ATP9B: variants seen among roughly 807,000 people sequenced by gnomAD.
ATP9B encodes ATPase phospholipid transporting 9B.
ATP9B carries 110 observed loss-of-function variants against 146.1 expected under a neutral mutation model. The ratio of observed to expected loss-of-function variants is 0.75; its 90% CI spans 0.65 to 0.88. The LOEUF (loss-of-function observed/expected upper bound fraction) is 0.88, where lower values mean the gene tolerates loss of function less well. ATP9B is among the 40% of genes least tolerant of loss of function. ATP9B has a pLI of 0.00. For synonymous variants in ATP9B, 604 were observed against 569.7 expected, an observed-to-expected ratio of 1.06 and a Z score of -0.86; for missense variants, 1,499 against 1,496.4, an observed-to-expected ratio of 1.00 and a Z score of -0.03.
chr18:79,196,784 G>A (rs2095421633), intron 9 of ATP9B, among the ~76,000 whole-genome samples: 1 of 152,114 alleles, frequency 6.6e-6, no homozygotes, highest in African/African-American at 2.4e-5. Context: ...AAATAAAAAG[G>A]AAACAGGAGT....
chr18:79,347,240 T>G (rs1201176399), intron 23 of ATP9B, among the ~76,000 whole-genome samples: 1 of 152,270 alleles, frequency 6.6e-6, no homozygotes, highest in Admixed American at 6.5e-5. Flanking sequence ...CAGAAAGACC[T>G]GGAAAATTCA....
chr18:79,099,845 G>A (rs548011665), intron 2 of ATP9B, among the ~76,000 whole-genome samples: 1 of 151,878 alleles, frequency 6.6e-6, no homozygotes, highest in Non-Finnish European at 1.5e-5. Flanking sequence ...TTAAAAAATG[G>A]GCCAGGTGCA....
chr18:79,140,019 T>A (rs745740657), intron 5 of ATP9B, among the ~76,000 whole-genome samples: 1 of 152,222 alleles, frequency 6.6e-6, no homozygotes, highest in Non-Finnish European at 1.5e-5. Context: ...TGATAGCATT[T>A]TAAGCACATT....
intron 26 of ATP9B, chr18:79,360,018 C>T (rs2096978377): frequency 6.4e-6 from 1 of 155,334 alleles, no homozygotes; most frequent in Admixed American, 6.2e-5. Flanking sequence ...AAAAAATCCA[C>T]CCCAGAAAAC....
At chr18:79,149,186 T>G (rs1468803952) in intron 6 of ATP9B, among the ~76,000 whole-genome samples, 1 of 152,164 alleles carries the variant, frequency 6.6e-6, no homozygotes, top group Non-Finnish European at 1.5e-5. Context: ...CTAAAACTAA[T>G]TCGGAAAGGC....
At chr18:79,083,444 A>T (rs968141241) in intron 1 of ATP9B, among the ~76,000 whole-genome samples, 1 of 152,064 alleles carries the variant, frequency 6.6e-6, no homozygotes, top group South Asian at 2.1e-4. Context: ...TCCAGGCGCC[A>T]CTGGGGTATG....
At chr18:79,134,183 C>G (rs549908702) in intron 5 of ATP9B, among the ~76,000 whole-genome samples, 1 of 152,108 alleles carries the variant, frequency 6.6e-6, no homozygotes, top group Non-Finnish European at 1.5e-5. Context: ...TCTCCTTTTC[C>G]CTCTTAGAGA....
At chr18:79,270,516 T>TGTA (rs2096244542) in intron 12 of ATP9B, among the ~76,000 whole-genome samples, 1 of 151,770 alleles carries the variant, frequency 6.6e-6, no homozygotes, top group African/African-American at 2.4e-5. Context: ...TCCTCTTAAA[T>TGTA]ATGAGGATTT....
At chr18:79,078,784 T>C (rs192897919) in intron 1 of ATP9B, among the ~76,000 whole-genome samples, 1 of 152,116 alleles carries the variant, frequency 6.6e-6, no homozygotes, top group East Asian at 1.9e-4. Flanking sequence ...CTACATTAGG[T>C]ATTTCTCCTA....
intron 15 of ATP9B, among the ~76,000 whole-genome samples, chr18:79,313,849 C>T (rs2096665550): frequency 6.6e-6 from 1 of 152,090 alleles, no homozygotes; most frequent in African/African-American, 2.4e-5. Context: ...TTTTAAAAAT[C>T]CCTAAAACGT....
intron 5 of ATP9B, among the ~76,000 whole-genome samples, chr18:79,136,391 G>A (rs1253470634): frequency 6.6e-6 from 1 of 152,020 alleles, no homozygotes; most frequent in Non-Finnish European, 1.5e-5. Flanking sequence ...TCAATATTTT[G>A]TTACTGGTTT....
At chr18:79,085,644 C>G (rs1233736363) in intron 1 of ATP9B, 1 of 152,188 alleles carries the variant, frequency 6.6e-6, no homozygotes, top group Non-Finnish European at 1.5e-5. Flanking sequence ...TGGTGTCATT[C>G]AACTTATCTT....
chr18:79,187,277 C>T (rs2095316224), intron 8 of ATP9B, among the ~76,000 whole-genome samples: 1 of 152,204 alleles, frequency 6.6e-6, no homozygotes, highest in Non-Finnish European at 1.5e-5. Context: ...TTTTCACCCT[C>T]ACAGTAGCCC....
intron 15 of ATP9B, among the ~76,000 whole-genome samples, chr18:79,308,341 C>T (rs532447701): frequency 5.9e-5 from 9 of 152,132 alleles, no homozygotes; most frequent in African/African-American, 1.7e-4. Flanking sequence ...AACAAAGACC[C>T]GTATGTTAAT....
At chr18:79,106,322 C>T (rs1183534974) in intron 2 of ATP9B, among the ~76,000 whole-genome samples, 1 of 152,236 alleles carries the variant, frequency 6.6e-6, no homozygotes, top group Non-Finnish European at 1.5e-5. Flanking sequence ...GCTTTCCTCA[C>T]ATTTTTGTCC....
chr18:79,210,222 A>G (rs982081846), intron 10 of ATP9B, among the ~76,000 whole-genome samples: 1 of 152,214 alleles, frequency 6.6e-6, no homozygotes, highest in Non-Finnish European at 1.5e-5. Flanking sequence ...CATCGTGTTT[A>G]TTATACTGAT....
chr18:79,297,709 T>C (rs568153946), intron 13 of ATP9B, among the ~76,000 whole-genome samples: 46 of 152,344 alleles, frequency 3.0e-4, no homozygotes, highest in African/African-American at 9.9e-4. Flanking sequence ...TACATTATAT[T>C]ATGTTTAGTT....
At chr18:79,297,023 CGACCCAGAGAGAAGACAGAGAGAT>C (rs1426111382) in intron 13 of ATP9B, among the ~76,000 whole-genome samples, 14 of 124,028 alleles carry the variant, frequency 1.1e-4, no homozygotes, top group South Asian at 8.6e-4. Flanking sequence ...AAGACAGAGA[CGACCCAGAGAGAAGACAGAGAGAT>C]GACCCAGAGA....
intron 11 of ATP9B, 60 bp from the exon 12 acceptor site, chr18:79,253,296 TATGTCATCACTACCATGCATTCTGA>T: frequency 8.0e-7 from 1 of 1,246,792 alleles, no homozygotes; most frequent in African/African-American, 1.6e-5. Flanking sequence ...GTTTTTTTTT[TATGTCATCACTACCATGCATTCTGA>T]TTTATAATAT....
Sources: allele counts gnomAD v4.1 joint callset (sites outside exome capture counted in the v4.1 genomes callset), GRCh38; gene constraint gnomAD v4.1.1; transcripts MANE v1.5; gene names NCBI Gene and HGNC (gene_info 2026-07-23, HGNC 2026-07-21).